VWA3B: variants seen among roughly 807,000 people sequenced by gnomAD.
VWA3B encodes the protein von Willebrand factor A domain containing 3B, also known as von Willebrand factor A domain-containing protein 3B.
In VWA3B, 138 loss-of-function variants were observed where a neutral mutation model predicts 158.3. The observed-to-expected ratio is 0.87, with a 90% CI of 0.76 to 1.00. VWA3B has a LOEUF of 1.00. VWA3B is among the 50% of genes least tolerant of loss of function. The probability of loss-of-function intolerance (pLI) is 0.00; values close to 1 mark genes in which losing one functional copy is unlikely to be tolerated. For synonymous variants in VWA3B, 596 were observed against 587.3 expected (o/e 1.01, Z -0.21); for missense variants, 1,555 against 1,565.1 (o/e 0.99, Z 0.11).
At position 98,133,831 on chromosome 2, in the gene VWA3B, G is replaced by C; in HGVS notation, c.880G>C (p.Ala294Pro). 6.2e-7 allele frequency: 1 copy of C among 1,613,980 alleles called. No homozygotes were observed. The highest frequency in any genetic ancestry group is 8.5e-7 in the Non-Finnish European group (1 of 1,179,954). Residue 294 changes from alanine to proline, a missense_variant, in exon 7 of 28, where the codon GCA becomes CCA. Transcript: ENST00000477737. ...LSAKTHSRFH[A>P]FAERTECVEF... ...CATCTCTTCACGTTTCAGATTCCAC[G>C]CATTTGCCGAGAGAACAGAGTGTGT...
chr2:98,197,539 A>G (rs1342562102), intron 12 of VWA3B, among the ~76,000 whole-genome samples: 1 of 152,182 alleles, frequency 6.6e-6, no homozygotes, highest in Admixed American at 6.5e-5. Context: ...TATTTCCTCT[A>G]TTCCTTTTAC....
chr2:98,245,290 C>G, intron 19 of VWA3B: 1 of 278,442 alleles, frequency 3.6e-6, no homozygotes, highest in Non-Finnish European at 7.1e-6. Flanking sequence ...GCTCCCTCCC[C>G]ACTTGCTTTC....
Position 98,175,885 on chromosome 2 carries a change from C to A in VWA3B, c.1115-5131C>A, listed in dbSNP as rs1354756366. Among the ~76,000 whole-genome samples, 3 of 152,222 alleles carry A rather than the reference C, an allele frequency of 2.0e-5. No homozygotes were observed. The East Asian group carries it at 5.8e-4, about 29-fold the overall frequency. ...CCTCCATCTCCTTCATTCCCTCCTCCCCATTTCTTGGCTCCCCTGCAGTGC... is the reference window on the plus strand; with the variant it reads ...CCTCCATCTCCTTCATTCCCTCCTCACCATTTCTTGGCTCCCCTGCAGTGC... On this transcript the variant is annotated intron_variant, in intron 8 of 27. Transcript: ENST00000477737.
downstream of VWA3B, among the ~76,000 whole-genome samples, chr2:98,317,333 C>T (rs533268653): frequency 1.3e-5 from 2 of 151,676 alleles, no homozygotes; most frequent in Non-Finnish European, 2.9e-5. Flanking sequence ...AATTCTAAAC[C>T]CCCCCCAGCC....
Position 98,212,296 on chromosome 2 carries a change from G to A in VWA3B, c.1836+268G>A, listed in dbSNP as rs1438594063. On this transcript the variant is annotated intron_variant, in intron 13 of 27. Transcript: ENST00000477737. ...GGAGACCAGCCCCACAAAAGGAGAC[G>A]TCTGCTGTCCACTGAAGACTGGTTT... 3.5e-5 allele frequency: 11 copies of A among 315,314 alleles called. 1 individual carries two copies. The South Asian group carries it at 3.5e-4, about 10-fold the overall frequency. 19.5% of individuals were successfully genotyped at this position (315,314 alleles called of 1,614,324 possible).
Position 98,287,570 on chromosome 2 carries a change from A to G in VWA3B, c.3046-2941A>G, listed in dbSNP as rs191931329. 3.2e-3 allele frequency among the ~76,000 whole-genome samples: 479 copies of G among 151,778 alleles called. 3 individuals carry two copies. Among genetic ancestry groups the G allele is most frequent in the African/African-American group, 0.011 (462 of 41,550 alleles). ...ATATTTCTGTTAACAGTCATCAAGC[A>G]TAAAAAAATGGAACTTTAGAGTTGG... On this transcript the variant is annotated intron_variant, in intron 22 of 27. Transcript: ENST00000477737.
intron 19 of VWA3B, among the ~76,000 whole-genome samples, chr2:98,239,057 G>A (rs1685893066): frequency 1.3e-5 from 2 of 152,192 alleles, no homozygotes; most frequent in Non-Finnish European, 2.9e-5. Context: ...GGCAATGACA[G>A]GGTGGGATGG....
At chr2:98,271,878 C>T (rs1368188587) in intron 22 of VWA3B, among the ~76,000 whole-genome samples, 2 of 152,188 alleles carry the variant, frequency 1.3e-5, no homozygotes, top group Non-Finnish European at 2.9e-5. Flanking sequence ...ATGTGTCCCC[C>T]AGAGTTCATG....
chr2:98,162,985 T>A lies in VWA3B; in HGVS notation c.1114+9T>A, dbSNP rs907798545. On this transcript the variant is annotated intron_variant, in intron 8 of 27. Coordinates refer to ENST00000477737, the MANE Select transcript of VWA3B (RefSeq NM_144992.5). ...GGCCACTGTGGACTGCGGTTGGTGC[T>A]ATTTCTGGTCACTGGTGTAAAAGAT... 1 of 1,613,758 alleles carries A rather than the reference T, an allele frequency of 6.2e-7. No individual in the cohort carries two copies. The highest frequency in any genetic ancestry group is 1.7e-5 in the Admixed American group (1 of 59,968).
chr2:98,321,432 G>A, the VWA3B span, among the ~76,000 whole-genome samples: 1 of 152,194 alleles, frequency 6.6e-6, no homozygotes, highest in South Asian at 2.1e-4. Context: ...ACCTGGAAAA[G>A]CCACTGACAC....
intron 2 of VWA3B, among the ~76,000 whole-genome samples, chr2:98,101,427 T>C (rs1683067230): frequency 6.6e-6 from 1 of 152,230 alleles, no homozygotes; most frequent in Admixed American, 6.5e-5. Context: ...GTTAGTAACA[T>C]TGCCCCTGAG....
At chr2:98,175,906 A>C (rs1288750651) in intron 8 of VWA3B, among the ~76,000 whole-genome samples, 1 of 152,180 alleles carries the variant, frequency 6.6e-6, no homozygotes, top group African/African-American at 2.4e-5. Context: ...GCTCCCCTGC[A>C]GTGCCAGGCA....
chr2:98,159,630 T>G (rs1240449594), intron 7 of VWA3B, among the ~76,000 whole-genome samples: 1 of 152,124 alleles, frequency 6.6e-6, no homozygotes, highest in East Asian at 1.9e-4. Context: ...GGTTGGAGAA[T>G]CCACTAGGTC....
At chr2:98,220,165 TA>T (rs58005028) in intron 14 of VWA3B, among the ~76,000 whole-genome samples, 46,291 of 84,046 alleles carry the variant, frequency 0.55, 10,731 homozygotes, top group East Asian at 0.85. Flanking sequence ...ACCTGTCTCA[TA>T]AAAAAAAAAA....
intron 8 of VWA3B, among the ~76,000 whole-genome samples, chr2:98,179,657 C>CT (rs751857802): frequency 2.6e-5 from 4 of 152,074 alleles, no homozygotes; most frequent in Non-Finnish European, 5.9e-5. Context: ...CTTTCTTTCT[C>CT]TTTTTTCTCT....
chr2:98,192,869 C>T (rs759038888), intron 10 of VWA3B, 29 bp from the exon 11 acceptor site: 1 of 1,614,086 alleles, frequency 6.2e-7, no homozygotes, highest in South Asian at 1.1e-5. Flanking sequence ...AGGCTCTCAC[C>T]ATTCACTTTC....
intron 2 of VWA3B, among the ~76,000 whole-genome samples, chr2:98,097,102 T>C (rs1682767713): frequency 1.3e-5 from 2 of 152,196 alleles, no homozygotes; most frequent in Non-Finnish European, 2.9e-5. Flanking sequence ...ATTTAATTAA[T>C]AAATTTTTTT....
At chr2:98,088,603 A>G (rs1428846649) in intron 1 of VWA3B, among the ~76,000 whole-genome samples, 1 of 152,162 alleles carries the variant, frequency 6.6e-6, no homozygotes, top group Non-Finnish European at 1.5e-5. Context: ...GATGGCCTCT[A>G]AAACTTAGGG....
At chr2:98,194,140 A>G (rs1681832163) in intron 11 of VWA3B, among the ~76,000 whole-genome samples, 2 of 152,186 alleles carry the variant, frequency 1.3e-5, no homozygotes, top group Admixed American at 6.5e-5. Flanking sequence ...GTATATTCAT[A>G]TAATCATATA....
Sources: allele counts gnomAD v4.1 joint callset (sites outside exome capture counted in the v4.1 genomes callset), GRCh38; gene constraint gnomAD v4.1.1; transcripts MANE v1.5; gene names NCBI Gene and HGNC (gene_info 2026-07-23, HGNC 2026-07-21).